The following SNAP91 variants were observed in gnomAD, a reference collection of about 807,000 sequenced individuals.
SNAP91 encodes synaptosome associated protein 91, also known as clathrin coat assembly protein AP180.
Under a neutral mutation model 100.3 loss-of-function variants are expected in SNAP91, and 27 were observed. The observed-to-expected ratio is 0.27, with a 90% CI of 0.20 to 0.37. SNAP91 has a LOEUF of 0.37. Among genes scored for constraint, SNAP91 ranks in the 10% least tolerant of loss-of-function variants. The probability of loss-of-function intolerance (pLI) is 1.00; values close to 1 mark genes in which losing one functional copy is unlikely to be tolerated. For missense variants in SNAP91, 986 were observed against 1,123.7 expected (o/e 0.88, Z 1.75); for synonymous variants, 404 against 398.6 (o/e 1.01, Z -0.16).
At chr6:83,592,900 C>A in intron 20 of SNAP91, 46 bp downstream of exon 20, 1 of 1,400,900 alleles carries the variant, frequency 7.1e-7, no homozygotes, top group African/African-American at 1.4e-5. Context: ...CTATGCATTA[C>A]TTCCACAAGA....
At chr6:83,679,770 G>A (rs2098961745) in intron 2 of SNAP91, among the ~76,000 whole-genome samples, 1 of 152,112 alleles carries the variant, frequency 6.6e-6, no homozygotes, top group South Asian at 2.1e-4. Context: ...TTCAGCCCTA[G>A]GCTTCAATGC....
chr6:83,654,473 C>CT (rs1447983234), intron 7 of SNAP91, among the ~76,000 whole-genome samples: 1 of 152,154 alleles, frequency 6.6e-6, no homozygotes, highest in African/African-American at 2.4e-5. Context: ...GACACTGACT[C>CT]TAAGCTCATT....
intron 22 of SNAP91, among the ~76,000 whole-genome samples, chr6:83,586,574 T>G (rs3798874): frequency 0.042 from 6,417 of 152,296 alleles, 423 homozygotes; most frequent in East Asian, 0.19. Context: ...TGTCATCCAG[T>G]AGTCTGCCTC....
At chr6:83,630,689 C>G (rs1410671698) in intron 8 of SNAP91, among the ~76,000 whole-genome samples, 1 of 151,678 alleles carries the variant, frequency 6.6e-6, no homozygotes, top group Non-Finnish European at 1.5e-5. Context: ...GTTGTACTGT[C>G]TCCCATTTCA....
intron 14 of SNAP91, among the ~76,000 whole-genome samples, chr6:83,602,187 C>T (rs949133160): frequency 6.6e-6 from 1 of 152,018 alleles, no homozygotes; most frequent in African/African-American, 2.4e-5. Context: ...TTCTTTCAGC[C>T]GATTGGGTTC....
chr6:83,689,766 T>C lies in SNAP91; in HGVS notation c.130+18032A>G, dbSNP rs568854885. The C allele has an allele frequency of 3.2e-4, 48 of 152,278 alleles. 1 individual carries two copies. Among genetic ancestry groups the C allele is most frequent in the African/African-American group, 1.1e-3 (47 of 41,580 alleles). The allele number at this position is 152,278 out of a possible 1,614,324, so 9.4% of individuals were successfully genotyped here. On this transcript the variant is annotated intron_variant, in intron 2 of 29. Coordinates refer to ENST00000369694, the MANE Select transcript of SNAP91 (RefSeq NM_001242792.2). ...AAAGATTGTGAATATGGTAATATCC[T>C]TATAATTTTCTATTAATCCATGCCA...
chr6:83,556,318 G>A (rs1159074190), intron 28 of SNAP91, 73 bp from the exon 29 acceptor site: 1 of 226,682 alleles, frequency 4.4e-6, no homozygotes, highest in South Asian at 5.1e-5. Context: ...GGGGAAGAGG[G>A]GGCAGGGGGA....
At position 83,687,113 on chromosome 6, in the gene SNAP91, A is replaced by G. The variant is rs901786191; in HGVS notation, c.130+20685T>C. On this transcript the variant is annotated intron_variant, in intron 2 of 29. Coordinates refer to ENST00000369694, the MANE Select transcript of SNAP91 (RefSeq NM_001242792.2). ...CTATGCTTCATGCAACCTAGCTGTT[A>G]ACCCTTTAGCCTGCTGATAATCTCA... 3.9e-5 allele frequency among the ~76,000 whole-genome samples: 6 copies of G among 152,306 alleles called. No individual in the cohort carries two copies. The East Asian group carries it at 1.2e-3, about 29-fold the overall frequency.
intron 28 of SNAP91, 33 bp from the exon 29 acceptor site, chr6:83,556,278 A>G (rs1243377759): frequency 1.9e-6 from 2 of 1,060,808 alleles, no homozygotes; most frequent in Admixed American, 2.4e-5. Context: ...AAAGAGCAGG[A>G]ATAGAAAGCA....
At chr6:83,695,193 C>T (rs1343836340) in intron 2 of SNAP91, among the ~76,000 whole-genome samples, 2 of 143,700 alleles carry the variant, frequency 1.4e-5, no homozygotes, top group African/African-American at 5.1e-5. Context: ...AGGAGAATCA[C>T]CAGAACCCAG....
At chr6:83,600,861 C>T (rs2095115766) in intron 16 of SNAP91, among the ~76,000 whole-genome samples, 1 of 152,144 alleles carries the variant, frequency 6.6e-6, no homozygotes. Context: ...CAACTTAGGC[C>T]TGTGTTGCTC....
intron 8 of SNAP91, among the ~76,000 whole-genome samples, chr6:83,639,657 C>T (rs1480326962): frequency 6.6e-6 from 1 of 152,066 alleles, no homozygotes; most frequent in Admixed American, 6.6e-5. Flanking sequence ...GGAATTGACA[C>T]ATAAGTAGAA....
chr6:83,591,163 A>C lies in SNAP91; in HGVS notation c.2014+48T>G, dbSNP rs771047718. On this transcript the variant is annotated intron_variant, in intron 22 of 29. Transcript: ENST00000369694. ...AATTTTTATAATTGTTACTTATAAA[A>C]ATATATCCAAATTTAACTTCTACAA... is the stretch of plus-strand genomic sequence containing the variant. 1.4e-5 allele frequency: 17 copies of C among 1,206,718 alleles called. 1 individual carries two copies. The highest frequency in any genetic ancestry group is 1.4e-4 in the South Asian group (11 of 79,158). 74.8% of individuals were successfully genotyped at this position (1,206,718 alleles called of 1,614,324 possible).
chr6:83,645,029 G>A (rs542665760), intron 7 of SNAP91, among the ~76,000 whole-genome samples: 2 of 152,202 alleles, frequency 1.3e-5, no homozygotes, highest in East Asian at 3.9e-4. Context: ...GGAACAGCAT[G>A]ACTTTGGCCC....
intron 22 of SNAP91, among the ~76,000 whole-genome samples, chr6:83,585,549 A>G (rs894251052): frequency 6.6e-6 from 1 of 151,614 alleles, no homozygotes; most frequent in African/African-American, 2.4e-5. Flanking sequence ...AAAAAAAAGA[A>G]AGGTGCTCTA....
At chr6:83,597,257 TCTGA>T (rs1160180948) in intron 16 of SNAP91, among the ~76,000 whole-genome samples, 5 of 152,192 alleles carry the variant, frequency 3.3e-5, no homozygotes, top group African/African-American at 1.2e-4. Flanking sequence ...CCAATCACTG[TCTGA>T]CTGCAGCCAC....
intron 26 of SNAP91, among the ~76,000 whole-genome samples, chr6:83,572,598 T>C (rs527678328): frequency 1.3e-4 from 20 of 152,262 alleles, no homozygotes; most frequent in Admixed American, 9.8e-4. Context: ...TGCCAGATAC[T>C]AATGTTCTCA....
At chr6:83,648,961 C>A (rs2098081127) in intron 7 of SNAP91, among the ~76,000 whole-genome samples, 1 of 152,090 alleles carries the variant, frequency 6.6e-6, no homozygotes, top group Non-Finnish European at 1.5e-5. Flanking sequence ...TGTTAACTTT[C>A]TCTTTTATAG....
chr6:83,623,520 G>C (rs1376434277), intron 8 of SNAP91, among the ~76,000 whole-genome samples, 178 bp from the exon 9 acceptor site: 1 of 151,988 alleles, frequency 6.6e-6, no homozygotes, highest in Non-Finnish European at 1.5e-5. Flanking sequence ...CAATATAATA[G>C]AGCAGTAATT....
Sources: gnomAD v4.1 joint callset for allele counts (sites outside exome capture counted in the v4.1 genomes callset) on GRCh38, gnomAD v4.1.1 for gene constraint, MANE v1.5 for transcripts, NCBI Gene and HGNC (gene_info 2026-07-23, HGNC 2026-07-21) for gene names.